RBFOX1: variants seen among roughly 807,000 people sequenced by gnomAD.
RBFOX1 encodes RNA binding fox-1 homolog 1.
RBFOX1 carries 8 observed loss-of-function variants against 57.7 expected under a neutral mutation model. The observed-to-expected ratio is 0.14, with a 90% CI of 0.08 to 0.25. The LOEUF (loss-of-function observed/expected upper bound fraction) is 0.25. Ranked by LOEUF, RBFOX1 falls within the 10% of genes least tolerant of loss-of-function variation. The pLI is 1.00. For missense variants in RBFOX1, 611 were observed against 548.5 expected, an observed-to-expected ratio of 1.11 and a Z score of -1.14; for synonymous variants, 326 against 222.4, an observed-to-expected ratio of 1.47 and a Z score of -4.15.
At chr16:5,809,434 G>GCTAATAT (rs1555532569) in intron 3 of RBFOX1, among the ~76,000 whole-genome samples, 1 of 150,904 alleles carries the variant, frequency 6.6e-6, no homozygotes, top group Non-Finnish European at 1.5e-5. Flanking sequence ...TCTGACAAAG[G>GCTAATAT]GCTAATATCC....
At chr16:6,587,002 C>T (rs373369575) in intron 2 of RBFOX1, among the ~76,000 whole-genome samples, 5 of 151,458 alleles carry the variant, frequency 3.3e-5, no homozygotes, top group African/African-American at 1.2e-4. Context: ...CATTACTTCC[C>T]CTGTTTATTG....
chr16:5,930,672 A>G (rs1597836627), intron 4 of RBFOX1, among the ~76,000 whole-genome samples: 1 of 47,900 alleles, frequency 2.1e-5, no homozygotes, highest in South Asian at 1.0e-3. Context: ...GTAGGTGGGC[A>G]CATGGGTAAG....
intron 2 of RBFOX1, among the ~76,000 whole-genome samples, chr16:6,618,712 T>G (rs2098179628): frequency 6.6e-6 from 1 of 152,102 alleles, no homozygotes; most frequent in South Asian, 2.1e-4. Flanking sequence ...GGGAAAGCAT[T>G]TCAAAAGCCC....
In RBFOX1 at chr16:7,617,960, C is replaced by T. The variant is rs1441286938; in HGVS notation, c.676+10622C>T. 2.6e-4 allele frequency among the ~76,000 whole-genome samples: 39 copies of T among 151,358 alleles called. 3 individuals carry two copies. Among genetic ancestry groups the T allele is most frequent in the Admixed American group, 2.6e-3 (39 of 15,150 alleles). On this transcript the variant is annotated intron_variant, in intron 10 of 15. Coordinates refer to ENST00000550418, the MANE Select transcript of RBFOX1 (RefSeq NM_018723.4). ...GGAATATGGAGGTGGTTGGTAGGGTCCCAAGCTGTTTCTCAACCTTTATCT... is the reference window on the plus strand; with the variant it reads ...GGAATATGGAGGTGGTTGGTAGGGTTCCAAGCTGTTTCTCAACCTTTATCT...
At chr16:7,147,906 A>G (rs1193248772) in intron 4 of RBFOX1, among the ~76,000 whole-genome samples, 2 of 152,214 alleles carry the variant, frequency 1.3e-5, no homozygotes, top group East Asian at 1.9e-4. Context: ...TGCTTTCGCC[A>G]GGGGCTGAAC....
At chr16:7,324,727 C>G (rs1434466438) in intron 4 of RBFOX1, among the ~76,000 whole-genome samples, 1 of 152,168 alleles carries the variant, frequency 6.6e-6, no homozygotes, top group Admixed American at 6.5e-5. Flanking sequence ...TATCAGCAGG[C>G]TCCTCACTTA....
chr16:6,942,541 T>C, intron 3 of RBFOX1, among the ~76,000 whole-genome samples: 1 of 152,108 alleles, frequency 6.6e-6, no homozygotes, highest in Non-Finnish European at 1.5e-5. Context: ...TAGAGCATTT[T>C]CCTGTGGAAG....
intron 3 of RBFOX1, among the ~76,000 whole-genome samples, chr16:5,849,037 C>A (rs1567621243): frequency 6.6e-6 from 1 of 151,890 alleles, no homozygotes; most frequent in Non-Finnish European, 1.5e-5. Flanking sequence ...ATAGAAGGAC[C>A]AGAATATGCA....
intron 3 of RBFOX1, among the ~76,000 whole-genome samples, chr16:6,699,413 G>T (rs1603441868): frequency 2.0e-5 from 3 of 151,776 alleles, no homozygotes; most frequent in Admixed American, 2.0e-4. Context: ...TCAGAGTCCA[G>T]ACCATGCTGC....
At chr16:6,616,637 T>G (rs1328026759) in intron 2 of RBFOX1, among the ~76,000 whole-genome samples, 1 of 152,194 alleles carries the variant, frequency 6.6e-6, no homozygotes, top group African/African-American at 2.4e-5. Flanking sequence ...ATCGTGCCAC[T>G]GCACTCCAGC....
chr16:5,429,919 C>T (rs1192713273), intron 1 of RBFOX1, among the ~76,000 whole-genome samples: 4 of 152,138 alleles, frequency 2.6e-5, no homozygotes, highest in African/African-American at 9.7e-5. Context: ...GAAGGTTTTC[C>T]TAAAAATTCT....
intron 3 of RBFOX1, among the ~76,000 whole-genome samples, chr16:6,897,233 A>G (rs1355876097): frequency 6.6e-6 from 1 of 152,208 alleles, no homozygotes; most frequent in Non-Finnish European, 1.5e-5. Context: ...GATAGAGTAG[A>G]AAATATTTGC....
chr16:7,527,781 C>A (rs919152196), intron 5 of RBFOX1, among the ~76,000 whole-genome samples: 5 of 152,124 alleles, frequency 3.3e-5, no homozygotes, highest in Non-Finnish European at 7.3e-5. Flanking sequence ...GATCGACCAT[C>A]CTAATTATGA....
chr16:7,474,153 G>T (rs1164173220), intron 4 of RBFOX1, among the ~76,000 whole-genome samples: 2 of 152,144 alleles, frequency 1.3e-5, no homozygotes, highest in African/African-American at 4.8e-5. Context: ...CAGGCATGGT[G>T]GCGCATGCCT....
intron 3 of RBFOX1, among the ~76,000 whole-genome samples, chr16:5,771,324 G>C (rs575553828): frequency 2.4e-4 from 36 of 152,354 alleles, no homozygotes; most frequent in African/African-American, 7.5e-4. Context: ...AGGTCTACAT[G>C]TACCTGAGAA....
intron 1 of RBFOX1, among the ~76,000 whole-genome samples, chr16:6,164,267 T>A (rs1232950743): frequency 6.6e-6 from 1 of 152,174 alleles, no homozygotes; most frequent in Non-Finnish European, 1.5e-5. Flanking sequence ...TAATGTCAAT[T>A]GCTAGATTTT....
intron 2 of RBFOX1, among the ~76,000 whole-genome samples, chr16:6,548,394 G>A (rs1474616815): frequency 1.3e-5 from 2 of 152,246 alleles, no homozygotes; most frequent in African/African-American, 4.8e-5. Flanking sequence ...GGTATGTAGT[G>A]TCTCTTTGGG....
At chr16:6,064,394 A>C (rs1219541410) in intron 1 of RBFOX1, among the ~76,000 whole-genome samples, 1 of 152,116 alleles carries the variant, frequency 6.6e-6, no homozygotes, top group Non-Finnish European at 1.5e-5. Context: ...TACCTCCACA[A>C]AATTACTTAG....
At chr16:6,239,462 A>AACT (rs1329917871) in intron 1 of RBFOX1, among the ~76,000 whole-genome samples, 1 of 150,374 alleles carries the variant, frequency 6.7e-6, no homozygotes, top group East Asian at 1.9e-4. Context: ...TGTTAAGAAT[A>AACT]ACTTATTCTT....
Sources: gnomAD v4.1 joint callset for allele counts (sites outside exome capture counted in the v4.1 genomes callset) on GRCh38, gnomAD v4.1.1 for gene constraint, MANE v1.5 for transcripts, NCBI Gene and HGNC (gene_info 2026-07-23, HGNC 2026-07-21) for gene names.